Variants in MAGI3 observed in about 807,000 individuals in gnomAD.
MAGI3 encodes the protein membrane-associated guanylate kinase, WW and PDZ domain-containing protein 3.
A neutral mutation model predicts 121.8 loss-of-function variants in MAGI3; 43 were observed. That is an observed-to-expected ratio of 0.35 (90% CI 0.28 to 0.46). MAGI3 has a LOEUF of 0.46. MAGI3 is among the 20% of genes least tolerant of loss of function. The probability of loss-of-function intolerance (pLI) is 1.00; values close to 1 mark genes in which losing one functional copy is unlikely to be tolerated. For missense variants in MAGI3, 1,547 were observed against 1,797.3 expected, an observed-to-expected ratio of 0.86 and a Z score of 2.52; for synonymous variants, 553 against 639.3, an observed-to-expected ratio of 0.86 and a Z score of 2.04.
intron 1 of MAGI3, among the ~76,000 whole-genome samples, chr1:113,418,496 A>G (rs188224578): frequency 1.5e-3 from 228 of 152,274 alleles, no homozygotes; most frequent in African/African-American, 5.2e-3. Context: ...ATCTTTGACC[A>G]TTCTATTCCA....
At chr1:113,412,010 C>A (rs1030532880) in intron 1 of MAGI3, among the ~76,000 whole-genome samples, 8 of 148,460 alleles carry the variant, frequency 5.4e-5, no homozygotes, top group African/African-American at 1.7e-4. Flanking sequence ...TCTCCTAATG[C>A]TATCCCTCTC....
At chr1:113,610,829 G>T (rs1650083498) in intron 6 of MAGI3, among the ~76,000 whole-genome samples, 1 of 152,048 alleles carries the variant, frequency 6.6e-6, no homozygotes, top group African/African-American at 2.4e-5. Context: ...AGCTACCCGG[G>T]AGACTGAGGC....
At chr1:113,459,826 G>C (rs1286076073) in intron 1 of MAGI3, among the ~76,000 whole-genome samples, 1 of 152,108 alleles carries the variant, frequency 6.6e-6, no homozygotes, top group African/African-American at 2.4e-5. Flanking sequence ...TTCACAGCCA[G>C]ATTCTACCAG....
Position 113,419,037 on chromosome 1 carries a change from A to G in MAGI3, c.316+27688A>G, listed in dbSNP as rs78448734. Reference sequence around the variant, plus strand: ...ATATAACTAAATATTTTGTAAAAACATTTGGCTTAACTAATGCAGTACTTG... The same window carrying G: ...ATATAACTAAATATTTTGTAAAAACGTTTGGCTTAACTAATGCAGTACTTG... On this transcript the variant is annotated intron_variant, in intron 1 of 20. Coordinates refer to ENST00000307546, the MANE Select transcript of MAGI3 (RefSeq NM_001142782.2). Among the ~76,000 whole-genome samples the G allele has an allele frequency of 2.6e-3, 394 of 152,274 alleles. 2 individuals are homozygous for G. The highest frequency in any genetic ancestry group is 9.1e-3 in the African/African-American group (378 of 41,560).
chr1:113,508,469 C>T (rs746984433), intron 1 of MAGI3, among the ~76,000 whole-genome samples: 1 of 152,124 alleles, frequency 6.6e-6, no homozygotes, highest in Non-Finnish European at 1.5e-5. Flanking sequence ...GGTAAATAAA[C>T]GTGCTTTGAA....
chr1:113,397,304 C>A (rs201956278), intron 1 of MAGI3, among the ~76,000 whole-genome samples: 10 of 151,852 alleles, frequency 6.6e-5, no homozygotes, highest in African/African-American at 2.4e-4. Flanking sequence ...TTCTTTTTTT[C>A]TTTTTAATAT....
intron 1 of MAGI3, among the ~76,000 whole-genome samples, chr1:113,446,226 A>T (rs1654172817): frequency 6.6e-6 from 1 of 152,198 alleles, no homozygotes; most frequent in African/African-American, 2.4e-5. Flanking sequence ...TAATTTTGTG[A>T]CATCAACAGC....
At chr1:113,620,964 G>T (rs1650781027) in intron 8 of MAGI3, among the ~76,000 whole-genome samples, 1 of 152,184 alleles carries the variant, frequency 6.6e-6, no homozygotes, top group Non-Finnish European at 1.5e-5. Context: ...ACTAATAAAT[G>T]ATAGTTTCAT....
At chr1:113,595,143 G>A (rs985861776) in intron 6 of MAGI3, among the ~76,000 whole-genome samples, 3 of 152,036 alleles carry the variant, frequency 2.0e-5, no homozygotes, top group African/African-American at 7.2e-5. Context: ...ATATTTAACA[G>A]TGTAGTTTTG....
chr1:113,557,595 G>T (rs1165056841), intron 2 of MAGI3, among the ~76,000 whole-genome samples: 1 of 152,192 alleles, frequency 6.6e-6, no homozygotes, highest in African/African-American at 2.4e-5. Flanking sequence ...GAGTGCCTGA[G>T]GGGTGGGCAA....
intron 6 of MAGI3, among the ~76,000 whole-genome samples, chr1:113,598,583 CAAAG>C (rs1040999973): frequency 5.3e-5 from 8 of 151,632 alleles, no homozygotes; most frequent in South Asian, 2.1e-4. Context: ...AAAAAAAAGA[CAAAG>C]AAGGTCATTA....
chr1:113,604,635 C>T (rs1400071017), intron 6 of MAGI3, among the ~76,000 whole-genome samples: 1 of 138,506 alleles, frequency 7.2e-6, no homozygotes, highest in Admixed American at 7.2e-5. Context: ...CCATGGAATA[C>T]TACCCAGCCA....
At chr1:113,449,292 G>A (rs150548513) in intron 1 of MAGI3, among the ~76,000 whole-genome samples, 31 of 151,988 alleles carry the variant, frequency 2.0e-4, no homozygotes, top group African/African-American at 5.8e-4. Flanking sequence ...CATGAGTGGT[G>A]AATTTCCTCG....
intron 1 of MAGI3, among the ~76,000 whole-genome samples, chr1:113,430,713 T>C (rs182262387): frequency 6.6e-6 from 1 of 152,182 alleles, no homozygotes; most frequent in African/African-American, 2.4e-5. Context: ...CATTTAAATG[T>C]CTTTGATTTC....
At chr1:113,417,245 C>T (rs1652499372) in intron 1 of MAGI3, among the ~76,000 whole-genome samples, 1 of 152,020 alleles carries the variant, frequency 6.6e-6, no homozygotes, top group Non-Finnish European at 1.5e-5. Flanking sequence ...CCATAAAATT[C>T]CCTGGTTCCT....
intron 1 of MAGI3, among the ~76,000 whole-genome samples, chr1:113,520,901 A>G (rs12022849): frequency 0.15 from 22,920 of 151,306 alleles, 2,754 homozygotes; most frequent in East Asian, 0.63. Flanking sequence ...CGCACCTGGC[A>G]TAGTGTCCTG....
chr1:113,636,761 G>A (rs1244627576), intron 9 of MAGI3, among the ~76,000 whole-genome samples: 4 of 151,946 alleles, frequency 2.6e-5, no homozygotes, highest in Non-Finnish European at 5.9e-5. Flanking sequence ...GTGCAGAGCT[G>A]AGTTCAATTC....
chr1:113,468,113 A>C (rs571023536), intron 1 of MAGI3, among the ~76,000 whole-genome samples: 3 of 151,914 alleles, frequency 2.0e-5, no homozygotes, highest in Admixed American at 2.0e-4. Flanking sequence ...GTGTTTCTTT[A>C]TAGGTGCTAA....
intron 6 of MAGI3, among the ~76,000 whole-genome samples, chr1:113,597,808 G>A (rs1649113820): frequency 6.6e-6 from 1 of 152,212 alleles, no homozygotes; most frequent in African/African-American, 2.4e-5. Context: ...ACAAGTAAAT[G>A]TTGAAGGAAT....
Sources: gnomAD v4.1 joint callset for allele counts (sites outside exome capture counted in the v4.1 genomes callset) on GRCh38, gnomAD v4.1.1 for gene constraint, MANE v1.5 for transcripts, NCBI Gene and HGNC (gene_info 2026-07-23, HGNC 2026-07-21) for gene names.